The following RABGGTA variants were observed in gnomAD, a reference collection of about 807,000 sequenced individuals.
RABGGTA encodes Rab geranylgeranyltransferase subunit alpha.
Under a neutral mutation model 83.3 loss-of-function variants are expected in RABGGTA, and 69 were observed. The ratio of observed to expected loss-of-function variants is 0.83; its 90% CI spans 0.68 to 1.01. The LOEUF is 1.01. Ranked by LOEUF, RABGGTA falls within the 50% of genes least tolerant of loss-of-function variation. RABGGTA has a pLI of 0.00. For missense variants in RABGGTA, 681 were observed against 712.7 expected, an observed-to-expected ratio of 0.96 and a Z score of 0.51; for synonymous variants, 310 against 299.8, an observed-to-expected ratio of 1.03 and a Z score of -0.35.
At chr14:24,270,782 T>A in intron 3 of RABGGTA, 55 bp downstream of exon 3, 1 of 1,581,746 alleles carries the variant, frequency 6.3e-7, no homozygotes, top group Non-Finnish European at 8.6e-7. Context: ...GCTCTTGGCC[T>A]CTGCACTATA....
chr14:24,267,601 G>T, intron 14 of RABGGTA, 59 bp downstream of exon 14: 1 of 1,405,638 alleles, frequency 7.1e-7, no homozygotes, highest in Non-Finnish European at 9.8e-7. Flanking sequence ...GGCAAAGTCA[G>T]GGACGTGGGG....
In RABGGTA at chr14:24,270,157, A is replaced by C; in HGVS notation, c.240-17T>G. On this transcript the variant is annotated splice_polypyrimidine_tract_variant and intron_variant, in intron 4 of 16. Transcript: ENST00000216840. ...TCAGGAGACCTGTACCCAGAAGGGA[A>C]GGGGGGGGTCAGGGCTCTCCTACAG... 1 of 1,588,862 alleles carries C rather than the reference A, an allele frequency of 6.3e-7. No homozygotes were observed. Among genetic ancestry groups the C allele is most frequent in the Non-Finnish European group, 8.6e-7 (1 of 1,166,594 alleles).
intron 6 of RABGGTA, 143 bp from the exon 7 acceptor site, chr14:24,269,306 G>C: frequency 9.5e-7 from 1 of 1,048,248 alleles, no homozygotes; most frequent in African/African-American, 1.6e-5. Flanking sequence ...ACGTATGTCA[G>C]TTTTATCTTC....
Position 24,267,753 on chromosome 14 carries a change from C to G in RABGGTA, c.1260G>C (p.Thr420=). 6.2e-7 allele frequency: 1 copy of G among 1,612,356 alleles called. No homozygotes were observed. The highest frequency in any genetic ancestry group is 8.5e-7 in the Non-Finnish European group (1 of 1,179,826). The change falls in exon 14 of 17, where the codon ACG becomes ACC. Residue 420 remains threonine, a synonymous_variant. Coordinates refer to ENST00000216840, the MANE Select transcript of RABGGTA (RefSeq NM_182836.3). ...ACTTGCTGCGCAGGTCATCCAGATA[C>G]GTTGCCCGCATGGGGTCCACGGCCT... ...TLKAVDPMRA[T]YLDDLRSKFL...
intron 5 of RABGGTA, 60 bp downstream of exon 5, chr14:24,269,887 ACTGAGG>A (rs2040923516): frequency 1.9e-6 from 3 of 1,565,490 alleles, no homozygotes; most frequent in Non-Finnish European, 2.6e-6. Flanking sequence ...TCTGGGCCTT[ACTGAGG>A]CCCCAGTACC....
intron 3 of RABGGTA, 64 bp downstream of exon 3, chr14:24,270,773 C>A (rs2040937709): frequency 6.4e-7 from 1 of 1,567,438 alleles, no homozygotes; most frequent in African/African-American, 1.4e-5. Flanking sequence ...TAGGGACCAG[C>A]TCTTGGCCTC....
chr14:24,268,724 C>T lies in RABGGTA; in HGVS notation c.900+1G>A, dbSNP rs944324847. On this transcript the variant is annotated splice_donor_variant, in intron 9 of 16. Transcript: ENST00000216840. LOFTEE classifies it high-confidence loss of function. ...CTTCTGCCCCACCAATCCTGGGATA[C>T]CCAGACATGGCTGGGCCGGTTCCTG... The T allele has an allele frequency of 1.9e-6, 3 of 1,595,280 alleles. No homozygotes were observed. In the African/African-American group the frequency reaches 4.0e-5, roughly 21 times the overall value.
Position 24,267,888 on chromosome 14 carries a change from C to T in RABGGTA, c.1218G>A (p.Gln406=). 6.2e-7 allele frequency: 1 copy of T among 1,613,802 alleles called. No homozygotes were observed. Among genetic ancestry groups the T allele is most frequent in the Non-Finnish European group, 8.5e-7 (1 of 1,179,852 alleles). The change falls in exon 13 of 17, where the codon CAG becomes CAA. Residue 406 remains glutamine (Q), a synonymous_variant. Coordinates refer to ENST00000216840, the MANE Select transcript of RABGGTA (RefSeq NM_182836.3). The stretch of plus-strand genomic sequence containing the variant: ...AACTTGCCTTGAGGGTCTGGAAGTA[C>T]TGCAGGGTCTCCTTCTCATACAGCA... ...DPLLYEKETL[Q]YFQTLKAVDP... is the part of the protein sequence containing the mutation.
intron 14 of RABGGTA, 98 bp from the exon 15 acceptor site, chr14:24,266,987 AC>A: frequency 1.1e-6 from 1 of 902,924 alleles, no homozygotes; most frequent in Non-Finnish European, 1.8e-6. Context: ...TCTGTGCCCC[AC>A]AGGCCCTTGG....
In RABGGTA at chr14:24,270,356, G is replaced by A; in HGVS notation, c.217C>T (p.Leu73Phe). The A allele has an allele frequency of 6.2e-7, 1 of 1,612,126 alleles. No homozygotes were observed. ...ATLWNCRREVLQQLETQKSPE... is the reference protein window; with the variant it reads ...ATLWNCRREVFQQLETQKSPE... The stretch of plus-strand genomic sequence containing the variant: ...CACTTCTGAGTCTCCAGCTGCTGGA[G>A]CACCTCTCGTCGGCAGTTCCAGAGG... Residue 73 changes from leucine (L) to phenylalanine (F), a missense_variant, in exon 4 of 17, where the codon CTC becomes TTC. This residue lies in a region of RABGGTA where 115 missense variants were observed against 111.5 expected (regional missense o/e 1.03). Transcript: ENST00000216840.
At chr14:24,271,247 G>A (rs998008711) in intron 1 of RABGGTA, 78 bp from the exon 2 acceptor site, 6 of 1,243,330 alleles carry the variant, frequency 4.8e-6, no homozygotes, top group African/African-American at 3.0e-5. Context: ...CAGCAAGCGT[G>A]CCTGGGCAGA....
Position 24,267,880 on chromosome 14 carries a change from TG to T in RABGGTA, c.1225del (p.Gln409ArgfsTer45), listed in dbSNP as rs776454625. 2 of 1,613,576 alleles carry T rather than the reference TG, an allele frequency of 1.2e-6. No homozygotes were observed. The highest frequency in any genetic ancestry group is 4.5e-5 in the East Asian group (2 of 44,872). On this transcript the variant is annotated frameshift_variant, in exon 13 of 17. Transcript: ENST00000216840. LOFTEE classifies it high-confidence loss of function. ...GCAGACAGAACTTGCCTTGAGGGTC[TG>T]GAAGTACTGCAGGGTCTCCTTCTCA... ...LYEKETLQYF[Q>X]TLKAVDPMRA...
chr14:24,271,253 GCAGAGACCCC>G (rs1277166070), intron 1 of RABGGTA, 84 bp from the exon 2 acceptor site: 4 of 1,168,466 alleles, frequency 3.4e-6, no homozygotes, highest in Non-Finnish European at 4.7e-6. Flanking sequence ...GCGTGCCTGG[GCAGAGACCCC>G]CAGAGTGTAA....
chr14:24,267,964 G>C lies in RABGGTA; in HGVS notation c.1148-6C>G. 1 of 1,613,374 alleles carries C rather than the reference G, an allele frequency of 6.2e-7. No homozygotes were observed. The highest frequency in any genetic ancestry group is 8.5e-7 in the Non-Finnish European group (1 of 1,179,558). The stretch of plus-strand genomic sequence containing the variant: ...GATGATGGTAAGCAGGCACCCTGAG[G>C]AGAGGGCAGGGAAAAGGAGGGTTTC... On this transcript the variant is annotated splice_polypyrimidine_tract_variant and splice_region_variant and intron_variant, in intron 12 of 16. Coordinates refer to ENST00000216840, the MANE Select transcript of RABGGTA (RefSeq NM_182836.3).
In RABGGTA at chr14:24,270,823, TC is replaced by T; in HGVS notation, c.114+13del. The T allele has an allele frequency of 6.2e-7, 1 of 1,612,348 alleles. No homozygotes were observed. The highest frequency in any genetic ancestry group is 8.5e-7 in the Non-Finnish European group (1 of 1,179,142). ...GGAGCTACTTGGGGTCGGGGCTACCTCTGAGGGCCCCACCTTCTGGAATACG... is the reference window on the plus strand; with the variant it reads ...GGAGCTACTTGGGGTCGGGGCTACCTTGAGGGCCCCACCTTCTGGAATACG... On this transcript the variant is annotated intron_variant, in intron 3 of 16. Transcript: ENST00000216840.
rs759077679 is a variant in RABGGTA at position 24,268,426 on chromosome 14, G to A, written c.1007-6C>T. ...GCACCAGCCCTCCTGGCGGCCTGGG[G>A]AAAGAGTAGGTGGTTGGAGGGTGCA... On this transcript the variant is annotated splice_region_variant and splice_polypyrimidine_tract_variant and intron_variant, in intron 10 of 16. Transcript: ENST00000216840. 23 of 1,613,790 alleles carry A rather than the reference G, an allele frequency of 1.4e-5. No homozygotes were observed. The highest frequency in any genetic ancestry group is 1.8e-5 in the Non-Finnish European group (21 of 1,179,894).
chr14:24,265,728 A>G lies in RABGGTA; in HGVS notation c.1591T>C (p.Ser531Pro). Reference sequence around the variant, plus strand: ...TTGAGGAGGACCAGCCTGGGGCAGGAGGCAAGAGGCTGGAGCACTGCAGGC... The same window carrying G: ...TTGAGGAGGACCAGCCTGGGGCAGGGGGCAAGAGGCTGGAGCACTGCAGGC... ...QQPAVLQPLA[S>P]CPRLVLLNLQ... Residue 531 changes from serine (S) to proline (P), a missense_variant, in exon 17 of 17, where the codon TCC becomes CCC. Ser to Pro is a moderately conservative substitution (Grantham distance 74). This residue lies in a region of RABGGTA where 421 missense variants were observed against 418.5 expected (regional missense o/e 1.01). Transcript: ENST00000216840. 1 of 1,612,016 alleles carries G rather than the reference A, an allele frequency of 6.2e-7. No individual in the cohort carries two copies. Among genetic ancestry groups the G allele is most frequent in the East Asian group, 2.2e-5 (1 of 44,852 alleles).
Position 24,269,515 on chromosome 14 carries a change from G to A in RABGGTA, c.607C>T (p.Leu203Phe). ...CCTTTGAGCAGCACATCCTCAGGGA[G>A]GCGCCCCTGTGGTCCAGAATCCGGC... ...PQPDSGPQGRLPEDVLLKELE... is the reference protein window; with the variant it reads ...PQPDSGPQGRFPEDVLLKELE... Residue 203 changes from leucine (L) to phenylalanine (F), a missense_variant, in exon 6 of 17, where the codon CTC becomes TTC. Leu to Phe is a conservative substitution (Grantham distance 22, BLOSUM62 0). This residue lies in a region of RABGGTA where 122 missense variants were observed against 118.9 expected (regional missense o/e 1.03). Coordinates refer to ENST00000216840, the MANE Select transcript of RABGGTA (RefSeq NM_182836.3). 6.3e-6 allele frequency: 10 copies of A among 1,598,822 alleles called. No homozygotes were observed. Among genetic ancestry groups the A allele is most frequent in the Non-Finnish European group, 8.6e-6 (10 of 1,166,080 alleles).
chr14:24,267,981 G>A (rs1347280320), intron 12 of RABGGTA, 23 bp from the exon 13 acceptor site: 21 of 1,611,438 alleles, frequency 1.3e-5, no homozygotes, highest in Non-Finnish European at 1.6e-5. Flanking sequence ...CAGGGAAAAG[G>A]AGGGTTTCTC....
Sources: allele counts gnomAD v4.1 joint callset, GRCh38; gene constraint gnomAD v4.1.1; regional missense constraint gnomAD v4.1.1; transcripts MANE v1.5; gene names NCBI Gene and HGNC (gene_info 2026-07-23, HGNC 2026-07-21).